Variants in PCDH9 observed in about 807,000 individuals in gnomAD.
The protein encoded by PCDH9 is protocadherin 9.
Under a neutral mutation model 70.6 loss-of-function variants are expected in PCDH9, and 24 were observed. The ratio of observed to expected loss-of-function variants is 0.34; its 90% CI spans 0.25 to 0.48. The LOEUF is 0.48. PCDH9 is among the 20% of genes least tolerant of loss of function. The pLI is 0.99. For missense variants in PCDH9, 1,281 were observed against 1,503.6 expected (o/e 0.85, Z 2.45); for synonymous variants, 562 against 558.5 (o/e 1.01, Z -0.09).
chr13:66,842,337 C>T (rs758756667), intron 3 of PCDH9, among the ~76,000 whole-genome samples: 14 of 152,136 alleles, frequency 9.2e-5, no homozygotes, highest in Admixed American at 6.5e-5. Flanking sequence ...TACTTGCTCT[C>T]CCTATGTATA....
intron 2 of PCDH9, among the ~76,000 whole-genome samples, chr13:67,172,253 A>C (rs2088308335): frequency 6.6e-6 from 1 of 152,148 alleles, no homozygotes; most frequent in East Asian, 1.9e-4. Context: ...AGAACGTTGG[A>C]AGGCACACTT....
intron 2 of PCDH9, among the ~76,000 whole-genome samples, chr13:67,006,102 CT>C (rs2084347432): frequency 2.0e-5 from 3 of 152,200 alleles, no homozygotes; most frequent in Admixed American, 6.5e-5. Context: ...CGGCAGGCAC[CT>C]GTAGTCCCAG....
intron 2 of PCDH9, among the ~76,000 whole-genome samples, chr13:67,190,620 C>T (rs1463396795): frequency 1.3e-5 from 2 of 151,936 alleles, no homozygotes; most frequent in Non-Finnish European, 2.9e-5. Context: ...CAGTAAAAAG[C>T]TGTTAATGTA....
intron 3 of PCDH9, among the ~76,000 whole-genome samples, chr13:66,677,683 T>C (rs1277910180): frequency 6.6e-6 from 1 of 152,108 alleles, no homozygotes; most frequent in Admixed American, 6.6e-5. Flanking sequence ...GATGTGCCTC[T>C]TCTCCCCTCA....
chr13:67,151,751 C>T (rs528351847), intron 2 of PCDH9, among the ~76,000 whole-genome samples: 1 of 145,014 alleles, frequency 6.9e-6, no homozygotes, highest in Non-Finnish European at 1.5e-5. Flanking sequence ...AGAGGAGAAA[C>T]TTATCATTAT....
intron 4 of PCDH9, among the ~76,000 whole-genome samples, chr13:66,377,638 G>A (rs1956772979): frequency 6.6e-6 from 1 of 152,144 alleles, no homozygotes; most frequent in South Asian, 2.1e-4. Context: ...GACTTGGAAG[G>A]AATTAACCAG....
chr13:66,641,615 T>C (rs1415596732), intron 3 of PCDH9, among the ~76,000 whole-genome samples: 2 of 152,020 alleles, frequency 1.3e-5, no homozygotes, highest in African/African-American at 4.8e-5. Flanking sequence ...AAACAACAGA[T>C]ATGGAAGGGA....
chr13:66,656,513 C>T (rs947597364), intron 3 of PCDH9, among the ~76,000 whole-genome samples: 2 of 151,986 alleles, frequency 1.3e-5, no homozygotes, highest in African/African-American at 4.8e-5. Flanking sequence ...CTAATTATTT[C>T]CTTTCTTTTT....
chr13:67,084,997 A>AAATAT lies in PCDH9; in HGVS notation c.3036+140407_3036+140408insATATT, dbSNP rs1566414172. Among the ~76,000 whole-genome samples, 12 of 33,196 alleles carry AAATAT rather than the reference A, an allele frequency of 3.6e-4. 1 individual carries two copies. The highest frequency in any genetic ancestry group is 5.3e-4 in the Admixed American group (1 of 1,884). The allele number at this position is 33,196 out of a possible 152,430, so 21.8% of individuals were successfully genotyped here. ...AAAAAAAAAAAAAAAAAAAAAAAAAAATATATATATATATATATATATATA... is the reference window on the plus strand; with the variant it reads ...AAAAAAAAAAAAAAAAAAAAAAAAAAAATATATATATATATATATATATATATATA... On this transcript the variant is annotated intron_variant, in intron 2 of 4. Transcript: ENST00000377865.
At chr13:66,330,602 C>T (rs12853445) in intron 4 of PCDH9, among the ~76,000 whole-genome samples, 31,733 of 151,692 alleles carry the variant, frequency 0.21, 3,645 homozygotes, top group East Asian at 0.38. Context: ...TGGGGGAAAG[C>T]CCAGCCTTAA....
intron 3 of PCDH9, among the ~76,000 whole-genome samples, chr13:66,677,568 T>C (rs9599130): frequency 2.0e-5 from 3 of 151,926 alleles, no homozygotes; most frequent in Non-Finnish European, 2.9e-5. Context: ...GATAGTGAGT[T>C]CTTGCAAAAT....
At chr13:67,124,336 G>A (rs922025061) in intron 2 of PCDH9, among the ~76,000 whole-genome samples, 3 of 152,038 alleles carry the variant, frequency 2.0e-5, no homozygotes, top group Non-Finnish European at 4.4e-5. Flanking sequence ...AATGTAGTAG[G>A]CATATATATT....
Position 66,629,825 on chromosome 13 carries a change from G to A in PCDH9, c.3340+1385C>T, listed in dbSNP as rs117851842. Among the ~76,000 whole-genome samples, 634 of 152,240 alleles carry A rather than the reference G, an allele frequency of 4.2e-3. 19 individuals are homozygous for A. The East Asian group carries it at 0.08, about 19-fold the overall frequency. ...AATGAGAAGAGATTTCCAAAGATGG[G>A]GACATGCTGGGGATTGGAAGGAGGC... On this transcript the variant is annotated intron_variant, in intron 4 of 4. Transcript: ENST00000377865.
In PCDH9 at chr13:67,038,166, C is replaced by T. The variant is rs922107445; in HGVS notation, c.3037-134561G>A. On this transcript the variant is annotated intron_variant, in intron 2 of 4. Coordinates refer to ENST00000377865, the MANE Select transcript of PCDH9 (RefSeq NM_203487.3). ...ACAGTTCATAAGTAAAAGATGAAAA[C>T]AGCTGTTCGACTAGAGACAGAAATC... Among the ~76,000 whole-genome samples, 5 of 152,200 alleles carry T rather than the reference C, an allele frequency of 3.3e-5. 1 individual carries two copies. The highest frequency in any genetic ancestry group is 4.1e-4 in the South Asian group (2 of 4,828).
chr13:66,381,217 G>A (rs1282402818), intron 4 of PCDH9, among the ~76,000 whole-genome samples: 1 of 151,990 alleles, frequency 6.6e-6, no homozygotes, highest in Non-Finnish European at 1.5e-5. Context: ...CTTTTCCACA[G>A]GTGACAAAAT....
At chr13:66,594,419 T>C (rs1256701048) in intron 4 of PCDH9, among the ~76,000 whole-genome samples, 1 of 151,786 alleles carries the variant, frequency 6.6e-6, no homozygotes, top group South Asian at 2.1e-4. Context: ...GAGCCCAGAT[T>C]ATAATTGACT....
intron 2 of PCDH9, among the ~76,000 whole-genome samples, chr13:66,982,499 T>C (rs1028790450): frequency 2.6e-5 from 4 of 152,146 alleles, no homozygotes; most frequent in African/African-American, 9.7e-5. Flanking sequence ...CAATATTTGG[T>C]TATAAAGGTA....
Position 66,815,599 on chromosome 13 carries a change from A to T in PCDH9, c.3138+87905T>A, listed in dbSNP as rs528706244. ...TGTAATACTACACAGCCATAAAGAG[A>T]ACAAGACCGTGTCCTTTGCAGGATA... On this transcript the variant is annotated intron_variant, in intron 3 of 4. Transcript: ENST00000377865. 2.0e-4 allele frequency among the ~76,000 whole-genome samples: 30 copies of T among 152,228 alleles called. No individual in the cohort carries two copies. The South Asian group carries it at 5.2e-3, about 26-fold the overall frequency.
intron 2 of PCDH9, among the ~76,000 whole-genome samples, chr13:67,089,407 A>G (rs2086172310): frequency 6.6e-6 from 1 of 151,900 alleles, no homozygotes; most frequent in Non-Finnish European, 1.5e-5. Context: ...GTAGCGTAAG[A>G]CTCCAGCGAA....
Sources: gnomAD v4.1 joint callset for allele counts (sites outside exome capture counted in the v4.1 genomes callset) on GRCh38, gnomAD v4.1.1 for gene constraint, MANE v1.5 for transcripts, NCBI Gene and HGNC (gene_info 2026-07-23, HGNC 2026-07-21) for gene names.